The following TBC1D9 variants were observed in gnomAD, a reference collection of about 807,000 sequenced individuals.
TBC1D9 encodes TBC1 domain family member 9A.
A neutral mutation model predicts 132.0 loss-of-function variants in TBC1D9; 63 were observed. The observed-to-expected ratio is 0.48, with a 90% CI of 0.39 to 0.59. The LOEUF is 0.59. Ranked by LOEUF, TBC1D9 falls within the 20% of genes least tolerant of loss-of-function variation. TBC1D9 has a pLI of 0.00. For synonymous variants in TBC1D9, 610 were observed against 609.9 expected, an observed-to-expected ratio of 1.00 and a Z score of 0.00; for missense variants, 1,261 against 1,592.7, an observed-to-expected ratio of 0.79 and a Z score of 3.54.
At chr4:140,698,744 G>T (rs186268646) in intron 2 of TBC1D9, among the ~76,000 whole-genome samples, 15 of 150,596 alleles carry the variant, frequency 1.0e-4, no homozygotes, top group African/African-American at 2.5e-4. Context: ...TCTCGGGGGT[G>T]GGGGGGGGAA....
intron 1 of TBC1D9, among the ~76,000 whole-genome samples, chr4:140,735,140 CTT>C (rs1738652660): frequency 6.6e-6 from 1 of 152,116 alleles, no homozygotes; most frequent in South Asian, 2.1e-4. Flanking sequence ...GAGATATTCT[CTT>C]TGACATTTAT....
At chr4:140,728,725 C>T (rs1047408441) in intron 1 of TBC1D9, among the ~76,000 whole-genome samples, 6 of 152,216 alleles carry the variant, frequency 3.9e-5, no homozygotes, top group African/African-American at 1.2e-4. Flanking sequence ...TGCAGTGGCT[C>T]GATCTCAGCT....
chr4:140,635,140 C>T (rs1736858101), intron 15 of TBC1D9, among the ~76,000 whole-genome samples: 1 of 151,948 alleles, frequency 6.6e-6, no homozygotes, highest in African/African-American at 2.4e-5. Flanking sequence ...ATTGTATTGT[C>T]TGAATATTTC....
chr4:140,641,800 A>G (rs1456761023), intron 13 of TBC1D9: 4 of 278,554 alleles, frequency 1.4e-5, no homozygotes, highest in Non-Finnish European at 2.8e-5. Context: ...AGCAGGCTAC[A>G]CTGCCAAGAA....
At chr4:140,671,674 CTGTGTGTG>C (rs34072180) in intron 6 of TBC1D9, among the ~76,000 whole-genome samples, 23,650 of 141,738 alleles carry the variant, frequency 0.17, 1,953 homozygotes, top group Middle Eastern at 0.2. Context: ...AACTACCAGA[CTGTGTGTG>C]TGTGTGTGTG....
intron 2 of TBC1D9, among the ~76,000 whole-genome samples, chr4:140,698,371 C>A (rs1216139534): frequency 6.6e-6 from 1 of 152,194 alleles, no homozygotes; most frequent in African/African-American, 2.4e-5. Flanking sequence ...ACCTTGAAGC[C>A]ATGCCTTCGT....
At chr4:140,669,582 A>G in intron 8 of TBC1D9, 52 bp downstream of exon 8, 1 of 1,545,396 alleles carries the variant, frequency 6.5e-7, no homozygotes, top group East Asian at 2.3e-5. Flanking sequence ...AAATATTGTT[A>G]ATGGCATTGT....
At chr4:140,751,012 TAACTC>T (rs1182285646) in intron 1 of TBC1D9, among the ~76,000 whole-genome samples, 1 of 152,120 alleles carries the variant, frequency 6.6e-6, no homozygotes, top group African/African-American at 2.4e-5. Flanking sequence ...TACTGAAACA[TAACTC>T]TACTGTAAGT....
chr4:140,738,119 T>C (rs1465814385), intron 1 of TBC1D9, among the ~76,000 whole-genome samples: 6 of 152,238 alleles, frequency 3.9e-5, no homozygotes, highest in Non-Finnish European at 5.9e-5. Context: ...ATTACATTAA[T>C]GAAAATCAAC....
intron 2 of TBC1D9, among the ~76,000 whole-genome samples, chr4:140,695,130 C>T (rs188006191): frequency 4.4e-4 from 67 of 152,236 alleles, no homozygotes; most frequent in Admixed American, 6.5e-4. Flanking sequence ...TCTTACCAGC[C>T]GCTAACTAAA....
chr4:140,626,241 T>C (rs2110963665), intron 18 of TBC1D9, among the ~76,000 whole-genome samples: 1 of 152,300 alleles, frequency 6.6e-6, no homozygotes, highest in East Asian at 1.9e-4. Flanking sequence ...AAATGTCTTA[T>C]TACATTCTCT....
intron 1 of TBC1D9, among the ~76,000 whole-genome samples, chr4:140,726,570 T>A (rs746666342): frequency 1.3e-5 from 2 of 152,162 alleles, no homozygotes; most frequent in Admixed American, 1.3e-4. Flanking sequence ...AAACCAAGTA[T>A]AAACTTCTTA....
chr4:140,642,596 T>A, intron 13 of TBC1D9: 2 of 879,158 alleles, frequency 2.3e-6, no homozygotes, highest in Non-Finnish European at 3.7e-6. Context: ...GCTGTCCATC[T>A]TCTTCTTCTT....
rs1213743247 is a variant in TBC1D9, at chr4:140,669,671, T to C, written c.1400A>G (p.Tyr467Cys). Residue 467 changes from tyrosine (Y) to cysteine (C), a missense_variant, in exon 8 of 21, where the codon TAT becomes TGT. This residue lies in a region of TBC1D9 where 550 missense variants were observed against 699.0 expected (regional missense o/e 0.79). Transcript: ENST00000442267. ...PTATQTLMTM[Y>C]RRRSPEEFNP... ...GAACTCCTCGGGAGACCGCCGCCGATACATGGTCATCAGGGTCTGTGTGGC... is the reference window on the plus strand; with the variant it reads ...GAACTCCTCGGGAGACCGCCGCCGACACATGGTCATCAGGGTCTGTGTGGC... 1.9e-6 allele frequency: 3 copies of C among 1,613,692 alleles called. No individual in the cohort carries two copies. Among genetic ancestry groups the C allele is most frequent in the Non-Finnish European group, 2.5e-6 (3 of 1,179,622 alleles).
intron 2 of TBC1D9, among the ~76,000 whole-genome samples, chr4:140,695,922 T>G (rs957208310): frequency 6.6e-6 from 1 of 152,174 alleles, no homozygotes; most frequent in African/African-American, 2.4e-5. Flanking sequence ...CAAAACTGGC[T>G]GGATAAAAGG....
At chr4:140,643,337 G>A (rs1158780067) in intron 13 of TBC1D9, 4 of 1,339,458 alleles carry the variant, frequency 3.0e-6, no homozygotes, top group Non-Finnish European at 4.2e-6. Flanking sequence ...GCTTCTCCAA[G>A]GCCTGGACTC....
Position 140,657,164 on chromosome 4 carries a change from A to G in TBC1D9, c.2270T>C (p.Leu757Ser). 1 of 1,613,984 alleles carries G rather than the reference A, an allele frequency of 6.2e-7. No individual in the cohort carries two copies. ...TLPPIPHLHS[L>S]LSDDVEPYPE... ...GTAAGGTTCCACATCATCGCTGAGCAAGGAGTGGAGGTGAGGAATGGGAGG... is the reference window on the plus strand; with the variant it reads ...GTAAGGTTCCACATCATCGCTGAGCGAGGAGTGGAGGTGAGGAATGGGAGG... The change falls in exon 13 of 21, where the codon TTG becomes TCG. Residue 757 changes from leucine to serine, a missense_variant. Physicochemically the swap from Leu to Ser is moderately radical, Grantham distance 145. Coordinates refer to ENST00000442267, the MANE Select transcript of TBC1D9 (RefSeq NM_015130.3).
chr4:140,624,097 T>G lies in TBC1D9; in HGVS notation c.3078+19A>C. 6.3e-7 allele frequency: 1 copy of G among 1,576,356 alleles called. No homozygotes were observed. Among genetic ancestry groups the G allele is most frequent in the East Asian group, 2.3e-5 (1 of 44,400 alleles). ...AGTGTCCAGGTTTGAAGCGAATGATTTGAACTTTAAGCACTTACCTGATTT... is the reference window on the plus strand; with the variant it reads ...AGTGTCCAGGTTTGAAGCGAATGATGTGAACTTTAAGCACTTACCTGATTT... On this transcript the variant is annotated intron_variant, in intron 20 of 20. Coordinates refer to ENST00000442267, the MANE Select transcript of TBC1D9 (RefSeq NM_015130.3).
intron 2 of TBC1D9, among the ~76,000 whole-genome samples, chr4:140,696,488 A>C (rs908988781): frequency 6.6e-6 from 1 of 151,230 alleles, no homozygotes; most frequent in Non-Finnish European, 1.5e-5. Flanking sequence ...AAAAGATAAA[A>C]AGAGGCATAT....
Sources: allele counts gnomAD v4.1 joint callset (sites outside exome capture counted in the v4.1 genomes callset), GRCh38; gene constraint gnomAD v4.1.1; regional missense constraint gnomAD v4.1.1; transcripts MANE v1.5; gene names NCBI Gene and HGNC (gene_info 2026-07-23, HGNC 2026-07-21).